SLC39A8: variants seen among roughly 807,000 people sequenced by gnomAD.
The protein encoded by SLC39A8 is metal cation symporter ZIP8.
Under a neutral mutation model 40.4 loss-of-function variants are expected in SLC39A8, and 15 were observed. The ratio of observed to expected loss-of-function variants is 0.37; its 90% CI spans 0.25 to 0.57. SLC39A8 has a LOEUF of 0.57. Among genes scored for constraint, SLC39A8 ranks in the 20% least tolerant of loss-of-function variants. SLC39A8 has a pLI of 0.75. For synonymous variants in SLC39A8, 223 were observed against 221.6 expected, an observed-to-expected ratio of 1.01 and a Z score of -0.06; for missense variants, 472 against 558.8, an observed-to-expected ratio of 0.84 and a Z score of 1.57.
At position 102,329,390 on chromosome 4, in the gene SLC39A8, C is replaced by T. The variant is rs116697091; in HGVS notation, c.220-13560G>A. 2.6e-3 allele frequency among the ~76,000 whole-genome samples: 390 copies of T among 152,150 alleles called. 2 individuals are homozygous for T. The highest frequency in any genetic ancestry group is 9.1e-3 in the African/African-American group (378 of 41,504). ...GTATTCTCAGCACTTTGGGAGGCCACGGCAGGCGGATCACCTGATGTCAAG... is the reference window on the plus strand; with the variant it reads ...GTATTCTCAGCACTTTGGGAGGCCATGGCAGGCGGATCACCTGATGTCAAG... On this transcript the variant is annotated intron_variant, in intron 2 of 8. Transcript: ENST00000356736.
At chr4:102,282,389 T>C (rs1732930219) in intron 6 of SLC39A8, among the ~76,000 whole-genome samples, 1 of 152,204 alleles carries the variant, frequency 6.6e-6, no homozygotes. Context: ...ATGCACAACA[T>C]GGAAAGGATG....
At chr4:102,310,093 T>C (rs1018923649) in intron 3 of SLC39A8, among the ~76,000 whole-genome samples, 2 of 151,972 alleles carry the variant, frequency 1.3e-5, no homozygotes, top group African/African-American at 4.8e-5. Context: ...GCCTCTCCAG[T>C]GTTATTTACC....
chr4:102,260,734 G>A (rs17032342), downstream of SLC39A8, among the ~76,000 whole-genome samples: 3,502 of 152,268 alleles, frequency 0.023, 153 homozygotes, highest in African/African-American at 0.08. Context: ...CCTAAACACA[G>A]TGCTACTGGC....
intron 6 of SLC39A8, among the ~76,000 whole-genome samples, chr4:102,270,112 T>C (rs1193941047): frequency 1.3e-5 from 2 of 152,214 alleles, no homozygotes; most frequent in East Asian, 1.9e-4. Context: ...ATTAAAGCAG[T>C]TGTTTTCATC....
chr4:102,291,315 G>GT (rs1272812917), intron 6 of SLC39A8, among the ~76,000 whole-genome samples: 2 of 148,464 alleles, frequency 1.3e-5, no homozygotes, highest in Non-Finnish European at 3.0e-5. Flanking sequence ...CAAGGAATGA[G>GT]TTATTCAGCA....
At chr4:102,277,893 C>T (rs572311637) in intron 6 of SLC39A8, among the ~76,000 whole-genome samples, 111 of 152,272 alleles carry the variant, frequency 7.3e-4, no homozygotes, top group African/African-American at 2.5e-3. Context: ...GGAAAGAATT[C>T]CCTATTTAAT....
At chr4:102,304,692 C>T (rs1016987102) in intron 5 of SLC39A8, among the ~76,000 whole-genome samples, 15 of 151,340 alleles carry the variant, frequency 9.9e-5, no homozygotes, top group African/African-American at 3.6e-4. Flanking sequence ...CGTGTTAGAA[C>T]ACGTATACAC....
intron 2 of SLC39A8, among the ~76,000 whole-genome samples, chr4:102,336,489 C>G (rs2149054683): frequency 6.6e-6 from 1 of 152,236 alleles, no homozygotes; most frequent in African/African-American, 2.4e-5. Flanking sequence ...GTTCAAAGAA[C>G]TAAAGACTTA....
intron 6 of SLC39A8, among the ~76,000 whole-genome samples, chr4:102,268,989 C>G (rs577098253): frequency 6.6e-6 from 1 of 152,122 alleles, no homozygotes; most frequent in Non-Finnish European, 1.5e-5. Flanking sequence ...ATTCCTAATT[C>G]TCCTCCTCTC....
intron 8 of SLC39A8, among the ~76,000 whole-genome samples, chr4:102,265,770 T>C (rs1732070702): frequency 6.6e-6 from 1 of 152,216 alleles, no homozygotes; most frequent in Non-Finnish European, 1.5e-5. Context: ...AGTACTGAAG[T>C]AGTATTTTTC....
chr4:102,297,907 G>T lies in SLC39A8; in HGVS notation c.840+6410C>A, dbSNP rs192559786. Among the ~76,000 whole-genome samples, 252 of 152,058 alleles carry T rather than the reference G, an allele frequency of 1.7e-3. 2 individuals carry two copies. The highest frequency in any genetic ancestry group is 6.0e-3 in the African/African-American group (249 of 41,504). ...CACTCCAGCCTGGGTTATGGAGTGA[G>T]ACCCTGTCCTAAAACAACAAAACAA... On this transcript the variant is annotated intron_variant, in intron 6 of 8. Transcript: ENST00000356736.
chr4:102,316,528 ATGT>A lies in SLC39A8; in HGVS notation c.220-701_220-699del, dbSNP rs550649410. On this transcript the variant is annotated intron_variant, in intron 2 of 8. Transcript: ENST00000356736. ...GCAAAAATAATTTTTTAAAGGTATA[ATGT>A]TGTTCTCACATTTTAACTGTAAGCT... Among the ~76,000 whole-genome samples the A allele has an allele frequency of 1.9e-3, 284 of 152,272 alleles. 1 individual carries two copies. The highest frequency in any genetic ancestry group is 6.5e-3 in the African/African-American group (270 of 41,562).
Position 102,305,116 on chromosome 4 carries a change from G to A in SLC39A8, c.553-5C>T. Reference sequence around the variant, plus strand: ...TTTGGGATCAAATCCAAATGCCTAAGGGAGAAAAAAGGGCAATTCAAGTAA... The same window carrying A: ...TTTGGGATCAAATCCAAATGCCTAAAGGAGAAAAAAGGGCAATTCAAGTAA... On this transcript the variant is annotated splice_polypyrimidine_tract_variant and splice_region_variant and intron_variant, in intron 4 of 8. Coordinates refer to ENST00000356736, the MANE Select transcript of SLC39A8 (RefSeq NM_001135146.2). The A allele has an allele frequency of 6.2e-7, 1 of 1,600,330 alleles. No individual in the cohort carries two copies. The highest frequency in any genetic ancestry group is 8.5e-7 in the Non-Finnish European group (1 of 1,175,388).
intron 2 of SLC39A8, among the ~76,000 whole-genome samples, chr4:102,338,931 C>T (rs577840240): frequency 2.6e-5 from 4 of 152,106 alleles, no homozygotes; most frequent in Non-Finnish European, 5.9e-5. Context: ...ATAATTATTA[C>T]ATTACATATA....
At chr4:102,254,886 C>T (rs1449600274) in intron 11 of SLC39A8, among the ~76,000 whole-genome samples, 2 of 152,158 alleles carry the variant, frequency 1.3e-5, no homozygotes, top group Non-Finnish European at 2.9e-5. Flanking sequence ...CCCCTTTTGG[C>T]TCCAAAACTT....
At chr4:102,325,989 G>T (rs1195626900) in intron 2 of SLC39A8, among the ~76,000 whole-genome samples, 1 of 152,138 alleles carries the variant, frequency 6.6e-6, no homozygotes, top group Non-Finnish European at 1.5e-5. Flanking sequence ...AAAAGAGAAG[G>T]TGTTCTTTTA....
At chr4:102,329,060 G>C (rs1281928717) in intron 2 of SLC39A8, among the ~76,000 whole-genome samples, 1 of 151,690 alleles carries the variant, frequency 6.6e-6, no homozygotes, top group Non-Finnish European at 1.5e-5. Flanking sequence ...TATAACTGTA[G>C]CATAGTCTGG....
chr4:102,262,784 G>T lies in SLC39A8; in HGVS notation c.*260C>A. 8.4e-7 allele frequency: 1 copy of T among 1,195,846 alleles called. No individual in the cohort carries two copies. Among genetic ancestry groups the T allele is most frequent in the Non-Finnish European group, 1.0e-6 (1 of 960,960 alleles). 74.1% of individuals were successfully genotyped at this position (1,195,846 alleles called of 1,614,324 possible). On this transcript the variant is annotated 3_prime_UTR_variant, in exon 9 of 9. Transcript: ENST00000356736. Reference sequence around the variant, plus strand: ...CTTGCTTCATGGTGATATCTAATATGCATGGAATACTGAAAAATAGGTATT... The same window carrying T: ...CTTGCTTCATGGTGATATCTAATATTCATGGAATACTGAAAAATAGGTATT...
At chr4:102,253,250 C>A in exon 12 of SLC39A8, 2 of 424,348 alleles carry the variant, frequency 4.7e-6, no homozygotes, top group Non-Finnish European at 4.2e-6. Context: ...AAACAAAGTC[C>A]CTAGAAAGAA....
Sources: gnomAD v4.1 joint callset for allele counts (sites outside exome capture counted in the v4.1 genomes callset) on GRCh38, gnomAD v4.1.1 for gene constraint, MANE v1.5 for transcripts, NCBI Gene and HGNC (gene_info 2026-07-23, HGNC 2026-07-21) for gene names.